The following ASCC1 variants were observed in gnomAD, a reference collection of about 807,000 sequenced individuals.
The protein encoded by ASCC1 is activating signal cointegrator 1 complex subunit 1.
In ASCC1, 35 loss-of-function variants were observed where a neutral mutation model predicts 46.6. The ratio of observed to expected loss-of-function variants is 0.75; its 90% CI spans 0.57 to 0.99. The LOEUF (loss-of-function observed/expected upper bound fraction) is 0.99, where lower values mean the gene tolerates loss of function less well. Ranked by LOEUF, ASCC1 falls within the 50% of genes least tolerant of loss-of-function variation. The pLI is 0.00. For synonymous variants in ASCC1, 143 were observed against 146.6 expected (o/e 0.98, Z 0.18); for missense variants, 376 against 428.7 (o/e 0.88, Z 1.09).
intron 4 of ASCC1, among the ~76,000 whole-genome samples, chr10:72,202,932 G>A (rs1856688808): frequency 6.6e-6 from 1 of 152,114 alleles, no homozygotes; most frequent in South Asian, 2.1e-4. Flanking sequence ...ACTCAATCAA[G>A]ATAAGGTTAT....
At chr10:72,129,669 G>A (rs2132253704) in intron 8 of ASCC1, among the ~76,000 whole-genome samples, 1 of 152,240 alleles carries the variant, frequency 6.6e-6, no homozygotes, top group Non-Finnish European at 1.5e-5. Context: ...AGCCAGGCAT[G>A]GTGGCGCACA....
intron 9 of ASCC1, among the ~76,000 whole-genome samples, chr10:72,108,076 C>CTTTTTTTTTTTTT (rs375287948): frequency 3.9e-5 from 5 of 128,342 alleles, no homozygotes; most frequent in Admixed American, 7.9e-5. Flanking sequence ...TTTTCTTTTT[C>CTTTTTTTTTTTTT]TTTTTTTTTT....
intron 7 of ASCC1, among the ~76,000 whole-genome samples, chr10:72,137,899 T>C (rs1186166413): frequency 3.9e-5 from 6 of 152,052 alleles, no homozygotes. Context: ...GGTCTCACTC[T>C]CTCATCCAGG....
chr10:72,200,768 T>TTA (rs1487989416), intron 4 of ASCC1, among the ~76,000 whole-genome samples: 1 of 152,178 alleles, frequency 6.6e-6, no homozygotes, highest in Non-Finnish European at 1.5e-5. Flanking sequence ...AATTTTGCAC[T>TTA]TATAATTCTA....
chr10:72,109,144 T>C (rs1057351399), intron 9 of ASCC1, among the ~76,000 whole-genome samples: 1 of 152,208 alleles, frequency 6.6e-6, no homozygotes, highest in Admixed American at 6.5e-5. Flanking sequence ...ATAATGCCCT[T>C]CCAGAAGGCC....
chr10:72,138,569 C>G (rs1315340719), intron 7 of ASCC1, among the ~76,000 whole-genome samples: 1 of 151,510 alleles, frequency 6.6e-6, no homozygotes, highest in Non-Finnish European at 1.5e-5. Context: ...CTACAGGCAG[C>G]CTGTGCTGTT....
At chr10:72,211,096 TC>T (rs1589662068) in intron 2 of ASCC1, among the ~76,000 whole-genome samples, 1 of 152,068 alleles carries the variant, frequency 6.6e-6, no homozygotes, top group Admixed American at 6.6e-5. Context: ...ATACGGTAGT[TC>T]CCCCCATCTG....
Position 72,108,844 on chromosome 10 carries a change from TAAAAG to T in ASCC1, c.958-11399_958-11395del, listed in dbSNP as rs143519219. ...CAGGAACCAAAATGCAGAGTATCCTTAAAAGAAAAAAGGAAGAAGGTTTATCAGGT... is the reference window on the plus strand; with the variant it reads ...CAGGAACCAAAATGCAGAGTATCCTTAAAAAAGGAAGAAGGTTTATCAGGT... On this transcript the variant is annotated intron_variant, in intron 9 of 9. Transcript: ENST00000672957. Among the ~76,000 whole-genome samples, 116 of 152,214 alleles carry T rather than the reference TAAAAG, an allele frequency of 7.6e-4. 5 individuals are homozygous for T. The East Asian group carries it at 0.018, about 24-fold the overall frequency.
chr10:72,175,492 C>T (rs900636599), intron 5 of ASCC1, among the ~76,000 whole-genome samples: 1 of 152,116 alleles, frequency 6.6e-6, no homozygotes, highest in Admixed American at 6.6e-5. Flanking sequence ...GTGTTATTAA[C>T]GAAATACTGT....
intron 5 of ASCC1, among the ~76,000 whole-genome samples, chr10:72,176,638 C>T (rs933753637): frequency 6.6e-6 from 1 of 152,110 alleles, no homozygotes; most frequent in Non-Finnish European, 1.5e-5. Flanking sequence ...AGCTACCATG[C>T]CCAGCCTTAA....
At chr10:72,121,548 G>C (rs1844210376) in intron 9 of ASCC1, among the ~76,000 whole-genome samples, 1 of 148,748 alleles carries the variant, frequency 6.7e-6, no homozygotes, top group Non-Finnish European at 1.5e-5. Context: ...TAAATAAAGG[G>C]ATGAAGAAAG....
At chr10:72,162,759 A>G (rs1322203406) in intron 5 of ASCC1, among the ~76,000 whole-genome samples, 1 of 152,028 alleles carries the variant, frequency 6.6e-6, no homozygotes, top group Non-Finnish European at 1.5e-5. Flanking sequence ...CCTGACCAAC[A>G]TGGTGAAACC....
At chr10:72,120,157 G>A (rs746095069) in intron 9 of ASCC1, among the ~76,000 whole-genome samples, 12 of 152,194 alleles carry the variant, frequency 7.9e-5, no homozygotes, top group Non-Finnish European at 1.8e-4. Context: ...GAACCCAGGA[G>A]GCGGAGGTTG....
chr10:72,137,527 C>CAAAAAAAAAAAAA (rs397956947), intron 7 of ASCC1, among the ~76,000 whole-genome samples: 2 of 76,128 alleles, frequency 2.6e-5, no homozygotes, highest in Non-Finnish European at 5.0e-5. Flanking sequence ...GACTCCATCT[C>CAAAAAAAAAAAAA]AAAAAAAAAA....
At chr10:72,193,654 GA>G (rs1388789522) in intron 5 of ASCC1, among the ~76,000 whole-genome samples, 9 of 151,938 alleles carry the variant, frequency 5.9e-5, no homozygotes, top group Non-Finnish European at 1.2e-4. Context: ...AGAATTCATA[GA>G]CATGTATACC....
In ASCC1 at chr10:72,190,005, T is replaced by C. The variant is rs1235124413; in HGVS notation, c.489+6806A>G. On this transcript the variant is annotated intron_variant, in intron 5 of 9. Coordinates refer to ENST00000672957, the MANE Select transcript of ASCC1 (RefSeq NM_001198800.3). ...AAACAGTCTGATGTCATGTGCTTTCTTCTGAGGGTCCACTGCTGGCAGTAC... is the reference window on the plus strand; with the variant it reads ...AAACAGTCTGATGTCATGTGCTTTCCTCTGAGGGTCCACTGCTGGCAGTAC... 3 of 758,050 alleles carry C rather than the reference T, an allele frequency of 4.0e-6. No individual in the cohort carries two copies. In the African/African-American group the frequency reaches 5.1e-5, roughly 13 times the overall value. The allele number at this position is 758,050 out of a possible 1,614,324, so 47.0% of individuals were successfully genotyped here. A position where few individuals can be genotyped will look rare whatever the true frequency, so the allele number is the denominator to read the frequency against.
intron 5 of ASCC1, among the ~76,000 whole-genome samples, chr10:72,189,176 G>A (rs1179266160): frequency 2.0e-5 from 3 of 151,806 alleles, no homozygotes; most frequent in Non-Finnish European, 2.9e-5. Context: ...CGAGGCGGGC[G>A]GATCATGAAG....
intron 9 of ASCC1, among the ~76,000 whole-genome samples, chr10:72,122,446 T>TTC: frequency 6.8e-6 from 1 of 147,928 alleles, no homozygotes. Flanking sequence ...ACCCACACAC[T>TTC]TCTAACCAAC....
At chr10:72,209,688 G>A (rs1221665580) in intron 3 of ASCC1, among the ~76,000 whole-genome samples, 1 of 152,234 alleles carries the variant, frequency 6.6e-6, no homozygotes, top group African/African-American at 2.4e-5. Context: ...GGAGGCTGAG[G>A]CAGGAGGATG....
Sources: allele counts gnomAD v4.1 joint callset (sites outside exome capture counted in the v4.1 genomes callset), GRCh38; gene constraint gnomAD v4.1.1; transcripts MANE v1.5; gene names NCBI Gene and HGNC (gene_info 2026-07-23, HGNC 2026-07-21).